Variants in DNAI4 observed in about 807,000 individuals in gnomAD.
The protein encoded by DNAI4 is dynein axonemal intermediate chain 4.
In DNAI4, 85 loss-of-function variants were observed where a neutral mutation model predicts 105.8. The ratio of observed to expected loss-of-function variants is 0.80; its 90% CI spans 0.67 to 0.96. DNAI4 has a LOEUF of 0.96. DNAI4 is among the 40% of genes least tolerant of loss of function. The pLI, the probability that DNAI4 is intolerant of heterozygous loss-of-function variation, is 0.00. For missense variants in DNAI4, 1,014 were observed against 1,005.6 expected, an observed-to-expected ratio of 1.01 and a Z score of -0.11; for synonymous variants, 352 against 331.5, an observed-to-expected ratio of 1.06 and a Z score of -0.67.
chr1:66,857,279 T>G (rs1396239819), intron 7 of DNAI4, among the ~76,000 whole-genome samples: 1 of 130,576 alleles, frequency 7.7e-6, no homozygotes, highest in African/African-American at 3.0e-5. Flanking sequence ...AGGTGGGAAC[T>G]GAACAATGAA....
chr1:66,891,128 G>T, intron 4 of DNAI4, 26 bp downstream of exon 4: 1 of 1,496,748 alleles, frequency 6.7e-7, no homozygotes. Flanking sequence ...GACTGTTACT[G>T]AAATAAACAA....
chr1:66,893,059 G>GAAAGAAAGAAAGAAAGAA (rs780472953), intron 3 of DNAI4, among the ~76,000 whole-genome samples, 170 bp downstream of exon 3: 2 of 56,496 alleles, frequency 3.5e-5, no homozygotes, highest in African/African-American at 1.5e-4. Context: ...AAGAAAGAGA[G>GAAAGAAAGAAAGAAAGAA]AGAGAGAAAG....
chr1:66,903,364 G>T (rs1648983893), intron 2 of DNAI4, among the ~76,000 whole-genome samples: 1 of 152,104 alleles, frequency 6.6e-6, no homozygotes, highest in Non-Finnish European at 1.5e-5. Context: ...CAACTAATTT[G>T]TGTTGTTGAT....
chr1:66,857,267 A>C (rs1056682795), intron 7 of DNAI4, among the ~76,000 whole-genome samples: 1 of 143,862 alleles, frequency 7.0e-6, no homozygotes, highest in South Asian at 2.2e-4. Context: ...GTTCTCACTC[A>C]TAGGTGGGAA....
intron 1 of DNAI4, among the ~76,000 whole-genome samples, chr1:66,920,170 G>GAGAAGCAGCTGGACGTTGGAAA (rs1650363891): frequency 6.6e-6 from 1 of 152,142 alleles, no homozygotes; most frequent in Non-Finnish European, 1.5e-5. Context: ...GACGTTGGAA[G>GAGAAGCAGCTGGACGTTGGAAA]TCAGAGAGAA....
rs150353155 is a variant in DNAI4, at chr1:66,833,617, C to G, written c.1981G>C (p.Ala661Pro). ...TGAAAAGCAAAACACATTCCAGGAG[C>G]CTGTCGAGATATCAAAGCTTCATCT... ...KKDEALISRQ[A>P]PGMCFAFHPK... Residue 661 changes from alanine (A) to proline (P), a missense_variant, in exon 13 of 17, where the codon GCT becomes CCT. Ala to Pro is a conservative substitution (Grantham distance 27). Coordinates refer to ENST00000371026, the MANE Select transcript of DNAI4 (RefSeq NM_024763.5). 3 of 1,613,336 alleles carry G rather than the reference C, an allele frequency of 1.9e-6. No homozygotes were observed. The highest frequency in any genetic ancestry group is 1.7e-5 in the Admixed American group (1 of 59,930).
intron 2 of DNAI4, among the ~76,000 whole-genome samples, chr1:66,902,136 C>CTATT (rs1268668739): frequency 1.3e-5 from 2 of 152,102 alleles, no homozygotes; most frequent in African/African-American, 4.8e-5. Context: ...CCTGGCCCTA[C>CTATT]AATACCATTT....
In DNAI4 at chr1:66,827,926, T is replaced by C. The variant is rs199604754; in HGVS notation, c.2014-16A>G. On this transcript the variant is annotated splice_polypyrimidine_tract_variant and intron_variant, in intron 13 of 16. Coordinates refer to ENST00000371026, the MANE Select transcript of DNAI4 (RefSeq NM_024763.5). ...TATTTGTGTCCTACAACACAAAACA[T>C]CGAAATGCATTGGCTTGTGATACAT... 6.0e-6 allele frequency: 9 copies of C among 1,489,534 alleles called. No homozygotes were observed. The East Asian group carries it at 1.8e-4, about 30-fold the overall frequency. 92.3% of individuals were successfully genotyped at this position (1,489,534 alleles called of 1,614,324 possible).
chr1:66,828,437 C>G (rs1303368974), intron 13 of DNAI4: 1 of 152,184 alleles, frequency 6.6e-6, no homozygotes, highest in Non-Finnish European at 1.5e-5. Context: ...ACATTCTCTT[C>G]AACAGTTAGT....
At chr1:66,870,266 ACCCC>A (rs2100651450) in intron 6 of DNAI4, among the ~76,000 whole-genome samples, 1 of 151,772 alleles carries the variant, frequency 6.6e-6, no homozygotes, top group Admixed American at 6.6e-5. Context: ...ACATGGTGAA[ACCCC>A]ATCTCTACTA....
chr1:66,913,748 C>G (rs979280870), intron 1 of DNAI4, among the ~76,000 whole-genome samples: 1 of 151,906 alleles, frequency 6.6e-6, no homozygotes, highest in Non-Finnish European at 1.5e-5. Context: ...TTTGGGAGGC[C>G]GAGGCGGGCG....
intron 4 of DNAI4, among the ~76,000 whole-genome samples, chr1:66,888,468 G>A (rs939153580): frequency 2.6e-5 from 4 of 152,176 alleles, no homozygotes; most frequent in African/African-American, 9.6e-5. Flanking sequence ...GCCGAGGCAG[G>A]CAGATCACGA....
chr1:66,866,206 G>A (rs1646729508), intron 6 of DNAI4, among the ~76,000 whole-genome samples: 1 of 151,694 alleles, frequency 6.6e-6, no homozygotes, highest in Admixed American at 6.6e-5. Flanking sequence ...ACTTGGGAGG[G>A]TGAGGCAGGA....
rs778490223 is a variant in DNAI4 at position 66,833,574 on chromosome 1, A to G, written c.2013+11T>C. ...TTATGTCCAGTGGTAAATAAGAGTGAAATAATTTACCTTGGGATGAAAAGC... is the reference window on the plus strand; with the variant it reads ...TTATGTCCAGTGGTAAATAAGAGTGGAATAATTTACCTTGGGATGAAAAGC... On this transcript the variant is annotated intron_variant, in intron 13 of 16. Transcript: ENST00000371026. 16 of 1,611,480 alleles carry G rather than the reference A, an allele frequency of 9.9e-6. No homozygotes were observed. The highest frequency in any genetic ancestry group is 1.4e-5 in the Non-Finnish European group (16 of 1,178,956).
intron 7 of DNAI4, among the ~76,000 whole-genome samples, chr1:66,855,411 G>C (rs1427005571): frequency 6.6e-6 from 1 of 152,186 alleles, no homozygotes; most frequent in African/African-American, 2.4e-5. Flanking sequence ...ATCATCTCCT[G>C]ATCTGTTGGT....
At chr1:66,922,597 T>C (rs1330988132) in intron 1 of DNAI4, among the ~76,000 whole-genome samples, 2 of 152,140 alleles carry the variant, frequency 1.3e-5, no homozygotes, top group African/African-American at 4.8e-5. Context: ...GGAGACTATT[T>C]AGGTGGGTAT....
chr1:66,871,633 A>G, intron 5 of DNAI4, 124 bp from the exon 6 acceptor site: 1 of 957,222 alleles, frequency 1.0e-6, no homozygotes, highest in Non-Finnish European at 1.5e-6. Context: ...AAGTGAAGTG[A>G]GACTTCAAAA....
chr1:66,876,883 C>T (rs1349708922), intron 4 of DNAI4, among the ~76,000 whole-genome samples: 1 of 152,160 alleles, frequency 6.6e-6, no homozygotes, highest in East Asian at 1.9e-4. Flanking sequence ...ATCATGGCTC[C>T]TCTCCACACC....
At chr1:66,842,225 T>C (rs1300254291) in intron 8 of DNAI4, among the ~76,000 whole-genome samples, 1 of 152,234 alleles carries the variant, frequency 6.6e-6, no homozygotes, top group Non-Finnish European at 1.5e-5. Flanking sequence ...ATTCACCTAC[T>C]GAAGGGCATC....
Sources: allele counts gnomAD v4.1 joint callset (sites outside exome capture counted in the v4.1 genomes callset), GRCh38; gene constraint gnomAD v4.1.1; transcripts MANE v1.5; gene names NCBI Gene and HGNC (gene_info 2026-07-23, HGNC 2026-07-21).